Variants in TTLL12 observed in about 807,000 individuals in gnomAD.
TTLL12 encodes tubulin--tyrosine ligase-like protein 12.
Under a neutral mutation model 79.6 loss-of-function variants are expected in TTLL12, and 77 were observed. That is an observed-to-expected ratio of 0.97 (90% CI 0.81 to 1.17). TTLL12 has a LOEUF of 1.17. TTLL12 is among the 50% of genes most tolerant of loss of function. The probability of loss-of-function intolerance (pLI) is 0.00; values close to 1 mark genes in which losing one functional copy is unlikely to be tolerated. For synonymous variants in TTLL12, 437 were observed against 376.1 expected (o/e 1.16, Z -1.87); for missense variants, 969 against 895.9 (o/e 1.08, Z -1.04).
At chr22:43,177,094 C>T (rs753465401) in intron 5 of TTLL12, among the ~76,000 whole-genome samples, 1 of 152,154 alleles carries the variant, frequency 6.6e-6, no homozygotes, top group Non-Finnish European at 1.5e-5. Flanking sequence ...CGTGGCTGCA[C>T]ATGGTGGCTC....
At position 43,176,372 on chromosome 22, in the gene TTLL12, TCTC is replaced by T. The variant is rs765147142; in HGVS notation, c.862_864del (p.Glu288del). 16 of 1,605,558 alleles carry T rather than the reference TCTC, an allele frequency of 1.0e-5. No homozygotes were observed. The Admixed American group carries it at 1.2e-4, about 12-fold the overall frequency. ...ACGGGGTTGATGTCAAGTGGCAGCT[TCTC>T]CTTGTTTTCCTCCAGAATGGCCTAA... On this transcript the variant is annotated inframe_deletion, in exon 6 of 14. Transcript: ENST00000216129.
chr22:43,186,143 G>C (rs953868830), intron 1 of TTLL12: 1 of 282,806 alleles, frequency 3.5e-6, no homozygotes, highest in African/African-American at 2.3e-5. Context: ...ATCTCCGTCC[G>C]GGAGACAGCA....
Position 43,184,553 on chromosome 22 carries a change from T to G in TTLL12, c.178-1404A>C, listed in dbSNP as rs372903105. The stretch of plus-strand genomic sequence containing the variant: ...GTAAGAGCGAAGGCCTGGAGGCAGA[T>G]AGCCCAGGGTGGAGCAAACCAGGGG... On this transcript the variant is annotated intron_variant, in intron 1 of 13. Coordinates refer to ENST00000216129, the MANE Select transcript of TTLL12 (RefSeq NM_015140.4). 2.6e-5 allele frequency among the ~76,000 whole-genome samples: 4 copies of G among 152,342 alleles called. No individual in the cohort carries two copies. The East Asian group carries it at 5.8e-4, about 22-fold the overall frequency.
At chr22:43,174,859 C>G (rs1401672270) in intron 6 of TTLL12, among the ~76,000 whole-genome samples, 4 of 152,318 alleles carry the variant, frequency 2.6e-5, no homozygotes, top group Admixed American at 2.0e-4. Flanking sequence ...CTGGACCACA[C>G]CGTCCACCTC....
At position 43,179,968 on chromosome 22, in the gene TTLL12, GAT is replaced by G; in HGVS notation, c.577_578del (p.Ile193HisfsTer100). The part of the protein sequence containing the change: ...TAEEKMPVWY[I>X]MDEFGSRIQH... ...GGATCCGCGAACCGAACTCGTCCAT[GAT>G]ATACCACACCGGCATCTTCTCCTCA... On this transcript the variant is annotated frameshift_variant, in exon 4 of 14. Transcript: ENST00000216129. LOFTEE classifies it high-confidence loss of function. 1 of 1,607,936 alleles carries G rather than the reference GAT, an allele frequency of 6.2e-7. No homozygotes were observed. Among genetic ancestry groups the G allele is most frequent in the Non-Finnish European group, 8.5e-7 (1 of 1,178,890 alleles).
At chr22:43,184,435 G>A (rs912627184) in intron 1 of TTLL12, among the ~76,000 whole-genome samples, 2 of 152,236 alleles carry the variant, frequency 1.3e-5, no homozygotes, top group African/African-American at 4.8e-5. Flanking sequence ...TATGGATGAG[G>A]AACCATAACC....
At chr22:43,170,075 G>A (rs1170553835) in intron 11 of TTLL12, 3 of 356,810 alleles carry the variant, frequency 8.4e-6, no homozygotes, top group Admixed American at 3.7e-5. Context: ...ACCCGAGGAA[G>A]GTGGCAGTCG....
Position 43,167,239 on chromosome 22 carries a change from G to C in TTLL12, c.*769C>G, listed in dbSNP as rs536101418. The C allele has an allele frequency of 1.9e-6, 1 of 528,152 alleles. No homozygotes were observed. The highest frequency in any genetic ancestry group is 3.9e-6 in the Non-Finnish European group (1 of 258,072). The allele number at this position is 528,152 out of a possible 1,614,324, so 32.7% of individuals were successfully genotyped here. On this transcript the variant is annotated 3_prime_UTR_variant, in exon 14 of 14. Coordinates refer to ENST00000216129, the MANE Select transcript of TTLL12 (RefSeq NM_015140.4). ...AAGGATCCTGGCCCATCTCACACAA[G>C]GGCGGGACCCCGTGGAGTGCCCGGC...
At chr22:43,174,642 T>A (rs759898106) in intron 6 of TTLL12, 27 bp from the exon 7 acceptor site, 1 of 1,530,824 alleles carries the variant, frequency 6.5e-7, no homozygotes, top group South Asian at 1.2e-5. Flanking sequence ...AGCTGGGTGA[T>A]CCCGGCTCCC....
In TTLL12 at chr22:43,187,049, G is replaced by T; in HGVS notation, c.21C>A (p.Pro7=). MEAERG[P]ERRPAERSSP... ...TGCTACGCTCCGCAGGCCGGCGCTC[G>T]GGACCCCGCTCGGCCTCCATGGCGC... The change falls in exon 1 of 14, where the codon CCC becomes CCA. Residue 7 remains proline (P), a synonymous_variant. Transcript: ENST00000216129. 8.4e-6 allele frequency: 10 copies of T among 1,191,770 alleles called. No homozygotes were observed. The highest frequency in any genetic ancestry group is 1.0e-5 in the Non-Finnish European group (10 of 962,600). The allele number at this position is 1,191,770 out of a possible 1,614,324, so 73.8% of individuals were successfully genotyped here.
At chr22:43,183,620 G>A (rs978934259) in intron 1 of TTLL12, among the ~76,000 whole-genome samples, 3 of 152,246 alleles carry the variant, frequency 2.0e-5, no homozygotes, top group Non-Finnish European at 4.4e-5. Context: ...GGACAGCTGA[G>A]TCAACTCACA....
chr22:43,174,361 G>C lies in TTLL12; in HGVS notation c.1077C>G (p.Phe359Leu), dbSNP rs778105234. 5.0e-6 allele frequency: 8 copies of C among 1,590,128 alleles called. No individual in the cohort carries two copies. In the Admixed American group the frequency reaches 8.6e-5, roughly 17 times the overall value. The change falls in exon 8 of 14, where the codon TTC (phenylalanine) becomes TTG (leucine). Residue 359 changes from phenylalanine to leucine, a missense_variant. Phe to Leu is a conservative substitution (Grantham distance 22). Transcript: ENST00000216129. ...TGACAGTCAGCAGGTTCTCGCAGGGGAACTGGTTCAGCAGCACGCCTGGCC... is the reference window on the plus strand; with the variant it reads ...TGACAGTCAGCAGGTTCTCGCAGGGCAACTGGTTCAGCAGCACGCCTGGCC... ...QERPGVLLNQ[F>L]PCENLLTVKD...
chr22:43,179,504 G>C (rs1931996922), intron 5 of TTLL12, 115 bp downstream of exon 5: 10 of 1,384,428 alleles, frequency 7.2e-6, no homozygotes, highest in Non-Finnish European at 9.5e-6. Flanking sequence ...GCCTCCCACG[G>C]TAACTGGCTC....
intron 9 of TTLL12, 46 bp downstream of exon 9, chr22:43,173,669 C>T: frequency 2.6e-6 from 4 of 1,563,020 alleles, no homozygotes; most frequent in South Asian, 1.1e-5. Flanking sequence ...CTCTCACTGT[C>T]CAGCCAGGGC....
chr22:43,185,995 T>G, intron 1 of TTLL12: 1 of 985,376 alleles, frequency 1.0e-6, no homozygotes, highest in South Asian at 4.7e-5. Flanking sequence ...CCTAGTCCAA[T>G]CAGGATTACA....
chr22:43,176,333 C>T lies in TTLL12; in HGVS notation c.904G>A (p.Gly302Ser), dbSNP rs777979776. 2.4e-5 allele frequency: 38 copies of T among 1,599,418 alleles called. No individual in the cohort carries two copies. Among genetic ancestry groups the T allele is most frequent in the East Asian group, 4.5e-5 (2 of 44,408 alleles). The change falls in exon 6 of 14, where the codon GGC becomes AGC. Residue 302 changes from glycine (G) to serine (S), a missense_variant. Physicochemically the swap from Gly to Ser is moderately conservative, Grantham distance 56. Transcript: ENST00000216129. Reference sequence around the variant, plus strand: ...GGGGCTACGCACTTGAAGATGTGGCCGTGGGGGTGCACCACGGGGTTGATG... The same window carrying T: ...GGGGCTACGCACTTGAAGATGTGGCTGTGGGGGTGCACCACGGGGTTGATG... The part of the protein sequence containing the change: ...LDINPVVHPH[G>S]HIFKVYTDVQ...
In TTLL12 at chr22:43,179,767, G is replaced by A. The variant is rs746659746; in HGVS notation, c.707-15C>T. 18 of 1,557,924 alleles carry A rather than the reference G, an allele frequency of 1.2e-5. No individual in the cohort carries two copies. Among genetic ancestry groups the A allele is most frequent in the South Asian group, 3.5e-5 (3 of 84,750 alleles). ...GGTCACCTCCTCTGTGCCAAGACAT[G>A]AGTGCCCATCAGAGGGGGTGACGGG... On this transcript the variant is annotated splice_polypyrimidine_tract_variant and intron_variant, in intron 4 of 13. Coordinates refer to ENST00000216129, the MANE Select transcript of TTLL12 (RefSeq NM_015140.4).
At chr22:43,171,566 C>T (rs960884641) in intron 11 of TTLL12, 3 of 446,196 alleles carry the variant, frequency 6.7e-6, no homozygotes, top group African/African-American at 5.9e-5. Context: ...GGACCCATCC[C>T]CCTCTGTGTC....
intron 5 of TTLL12, among the ~76,000 whole-genome samples, chr22:43,176,977 G>A (rs771677845): frequency 5.9e-5 from 9 of 152,116 alleles, no homozygotes; most frequent in Admixed American, 2.6e-4. Flanking sequence ...CCTCAAAATC[G>A]CAGGGGGCGA....
Sources: allele counts gnomAD v4.1 joint callset (sites outside exome capture counted in the v4.1 genomes callset), GRCh38; gene constraint gnomAD v4.1.1; transcripts MANE v1.5; gene names NCBI Gene and HGNC (gene_info 2026-07-23, HGNC 2026-07-21).